Variants in CNTNAP2 observed in about 807,000 individuals in gnomAD.
The protein encoded by CNTNAP2 is contactin associated protein 2.
CNTNAP2 carries 98 observed loss-of-function variants against 155.2 expected under a neutral mutation model. The observed-to-expected ratio is 0.63, with a 90% CI of 0.54 to 0.75. CNTNAP2 has a LOEUF of 0.75. Among genes scored for constraint, CNTNAP2 ranks in the 30% least tolerant of loss-of-function variants. The probability of loss-of-function intolerance (pLI) is 0.00; values close to 1 mark genes in which losing one functional copy is unlikely to be tolerated. For missense variants in CNTNAP2, 1,727 were observed against 1,688.1 expected (o/e 1.02, Z -0.40); for synonymous variants, 651 against 631.2 (o/e 1.03, Z -0.47).
intron 11 of CNTNAP2, among the ~76,000 whole-genome samples, chr7:147,510,301 C>T (rs1798991686): frequency 6.6e-6 from 1 of 152,104 alleles, no homozygotes; most frequent in African/African-American, 2.4e-5. Context: ...CTGGCCATTC[C>T]ACCTTATCCT....
chr7:147,932,321 T>C (rs1391843372), intron 14 of CNTNAP2, among the ~76,000 whole-genome samples: 2 of 152,214 alleles, frequency 1.3e-5, no homozygotes, highest in Non-Finnish European at 2.9e-5. Flanking sequence ...AAATATATTC[T>C]GAAGCTTCAG....
intron 1 of CNTNAP2, among the ~76,000 whole-genome samples, chr7:146,165,502 G>A (rs574541584): frequency 7.9e-5 from 12 of 152,140 alleles, no homozygotes; most frequent in African/African-American, 2.7e-4. Flanking sequence ...AGTTATCCAA[G>A]TGTGATGCTC....
intron 1 of CNTNAP2, among the ~76,000 whole-genome samples, chr7:146,172,885 G>T (rs1055993670): frequency 1.3e-5 from 2 of 152,132 alleles, no homozygotes; most frequent in African/African-American, 4.8e-5. Context: ...CTGACTTTTT[G>T]GTCCCAAGAA....
intron 13 of CNTNAP2, among the ~76,000 whole-genome samples, chr7:147,844,889 G>A (rs1482033191): frequency 2.4e-3 from 305 of 128,842 alleles, no homozygotes; most frequent in Non-Finnish European, 3.1e-3. Flanking sequence ...TTATATGCTG[G>A]ATTACATTTA....
At chr7:146,562,384 T>G (rs1416837917) in intron 1 of CNTNAP2, among the ~76,000 whole-genome samples, 1 of 152,066 alleles carries the variant, frequency 6.6e-6, no homozygotes, top group African/African-American at 2.4e-5. Context: ...TGCTAAAAAA[T>G]TAAAAAGGTT....
At chr7:147,603,185 G>A (rs1336894010) in intron 12 of CNTNAP2, among the ~76,000 whole-genome samples, 1 of 151,676 alleles carries the variant, frequency 6.6e-6, no homozygotes, top group Non-Finnish European at 1.5e-5. Flanking sequence ...ATTCTAACTG[G>A]TGTGAGATGG....
At chr7:147,454,257 G>A (rs1224351371) in intron 10 of CNTNAP2, among the ~76,000 whole-genome samples, 2 of 152,048 alleles carry the variant, frequency 1.3e-5, no homozygotes, top group African/African-American at 2.4e-5. Context: ...TTTCTTTGGT[G>A]GCTTTTTGTT....
intron 22 of CNTNAP2, among the ~76,000 whole-genome samples, chr7:148,395,100 A>T (rs1017618372): frequency 7.0e-6 from 1 of 143,116 alleles, no homozygotes; most frequent in African/African-American, 2.6e-5. Flanking sequence ...CGTGTTTTTT[A>T]TATTGAATGT....
intron 13 of CNTNAP2, among the ~76,000 whole-genome samples, chr7:147,720,127 A>G (rs867165751): frequency 1.3e-5 from 2 of 152,232 alleles, no homozygotes; most frequent in South Asian, 2.1e-4. Context: ...CAATTTTCCC[A>G]AAGCGAAGTG....
At chr7:147,609,691 G>T (rs535095387) in intron 12 of CNTNAP2, among the ~76,000 whole-genome samples, 4 of 152,024 alleles carry the variant, frequency 2.6e-5, no homozygotes, top group Admixed American at 1.3e-4. Flanking sequence ...TCCTCTGAGG[G>T]TTTGATGAGT....
At chr7:146,585,200 CA>C (rs1798670245) in intron 1 of CNTNAP2, among the ~76,000 whole-genome samples, 1 of 152,146 alleles carries the variant, frequency 6.6e-6, no homozygotes, top group Non-Finnish European at 1.5e-5. Flanking sequence ...CGGCTCACTG[CA>C]ACCTCTGACT....
At chr7:147,149,732 C>G (rs543985161) in intron 8 of CNTNAP2, among the ~76,000 whole-genome samples, 33 of 152,022 alleles carry the variant, frequency 2.2e-4, no homozygotes, top group African/African-American at 7.7e-4. Context: ...TAGATAGATA[C>G]ATAGATAGAA....
At chr7:146,633,777 C>T (rs1375064727) in intron 1 of CNTNAP2, among the ~76,000 whole-genome samples, 1 of 134,368 alleles carries the variant, frequency 7.4e-6, no homozygotes, top group Admixed American at 8.2e-5. Context: ...CTGCAGTGAG[C>T]TTAGATCGTG....
chr7:146,981,875 AC>A (rs1288572565), intron 3 of CNTNAP2, among the ~76,000 whole-genome samples: 5 of 152,206 alleles, frequency 3.3e-5, no homozygotes, highest in African/African-American at 1.2e-4. Context: ...AAAGGGCCGG[AC>A]AGTGAATACT....
At chr7:147,790,332 G>A (rs1206729359) in intron 13 of CNTNAP2, among the ~76,000 whole-genome samples, 5 of 152,114 alleles carry the variant, frequency 3.3e-5, no homozygotes, top group Non-Finnish European at 2.9e-5. Context: ...CCAAAATGTG[G>A]GCAGGAGGAG....
chr7:147,954,270 T>C (rs1419124033), intron 14 of CNTNAP2, among the ~76,000 whole-genome samples: 1 of 152,144 alleles, frequency 6.6e-6, no homozygotes, highest in Non-Finnish European at 1.5e-5. Flanking sequence ...TAAATTATCT[T>C]TTAAGACTTT....
intron 13 of CNTNAP2, among the ~76,000 whole-genome samples, chr7:147,735,879 A>G (rs199581100): frequency 0.011 from 1,600 of 151,244 alleles, 94 homozygotes; most frequent in Admixed American, 0.085. Context: ...TGCCTGGTAG[A>G]TCTTCCCCCA....
At position 148,202,186 on chromosome 7, in the gene CNTNAP2, T is replaced by C. The variant is rs1042427708; in HGVS notation, c.3011-15102T>C. 2.2e-4 allele frequency among the ~76,000 whole-genome samples: 33 copies of C among 152,168 alleles called. 1 individual carries two copies. ...TCTCTCCTGCCACTGGAAGGTGTTT[T>C]TACAGTTCCCCTTGTGACAAAGGAC... On this transcript the variant is annotated intron_variant, in intron 18 of 23. Coordinates refer to ENST00000361727, the MANE Select transcript of CNTNAP2 (RefSeq NM_014141.6).
At chr7:146,533,564 A>G (rs1257953527) in intron 1 of CNTNAP2, among the ~76,000 whole-genome samples, 1 of 152,228 alleles carries the variant, frequency 6.6e-6, no homozygotes, top group African/African-American at 2.4e-5. Flanking sequence ...ACACAGTCTT[A>G]TAAACACTAC....
Sources: gnomAD v4.1 joint callset for allele counts (sites outside exome capture counted in the v4.1 genomes callset) on GRCh38, gnomAD v4.1.1 for gene constraint, MANE v1.5 for transcripts, NCBI Gene and HGNC (gene_info 2026-07-23, HGNC 2026-07-21) for gene names.